Variants in EXT2 observed in about 807,000 individuals in gnomAD.
EXT2 encodes exostosin-2.
Under a neutral mutation model 81.6 loss-of-function variants are expected in EXT2, and 53 were observed. The ratio of observed to expected loss-of-function variants is 0.65; its 90% CI spans 0.52 to 0.82. EXT2 has a LOEUF of 0.82. Among genes scored for constraint, EXT2 ranks in the 40% least tolerant of loss-of-function variants. The pLI, the probability that EXT2 is intolerant of heterozygous loss-of-function variation, is 0.00. For synonymous variants in EXT2, 320 were observed against 340.0 expected, an observed-to-expected ratio of 0.94 and a Z score of 0.65; for missense variants, 774 against 910.2, an observed-to-expected ratio of 0.85 and a Z score of 1.93.
chr11:44,240,197 A>G (rs1288455475), intron 13 of EXT2, among the ~76,000 whole-genome samples: 1 of 152,156 alleles, frequency 6.6e-6, no homozygotes, highest in Non-Finnish European at 1.5e-5. Flanking sequence ...CTGTCCAGAG[A>G]CAGCAGTTGA....
At chr11:44,201,466 T>C (rs1303830844) in intron 9 of EXT2, among the ~76,000 whole-genome samples, 2 of 152,236 alleles carry the variant, frequency 1.3e-5, no homozygotes, top group Admixed American at 6.5e-5. Context: ...ACTGTTGTTA[T>C]TCCCATTTTA....
chr11:44,229,279 A>G (rs1955871339), intron 10 of EXT2, among the ~76,000 whole-genome samples: 1 of 152,228 alleles, frequency 6.6e-6, no homozygotes, highest in African/African-American at 2.4e-5. Context: ...CTGTAATAGT[A>G]TCATATTATT....
At position 44,250,023 on chromosome 11, in the gene EXT2, T is replaced by C. The variant is rs2135294022; in HGVS notation, c.*5736T>C. On this transcript the variant is annotated 3_prime_UTR_variant, in exon 14 of 14. Coordinates refer to ENST00000533608, the MANE Select transcript of EXT2 (RefSeq NM_207122.2). ...AGGTGGAGCTTGCAGTGAGCTGAGA[T>C]TGTGCCACTACACTCCAGCCTGGGC... 6.6e-6 allele frequency among the ~76,000 whole-genome samples: 1 copy of C among 152,262 alleles called. No homozygotes were observed. Among genetic ancestry groups the C allele is most frequent in the African/African-American group, 2.4e-5 (1 of 41,558 alleles).
chr11:44,195,853 T>C (rs1442608971), intron 8 of EXT2, among the ~76,000 whole-genome samples: 1 of 152,236 alleles, frequency 6.6e-6, no homozygotes, highest in Non-Finnish European at 1.5e-5. Context: ...ATGTAATTAA[T>C]GCCACCGAAT....
chr11:44,170,508 C>G (rs182296701), intron 7 of EXT2, among the ~76,000 whole-genome samples: 83 of 151,866 alleles, frequency 5.5e-4, no homozygotes, highest in African/African-American at 2.0e-3. Context: ...TGTGGAAAAT[C>G]AACAAAATCA....
At chr11:44,118,824 G>A (rs1954259866) in intron 4 of EXT2, among the ~76,000 whole-genome samples, 1 of 151,916 alleles carries the variant, frequency 6.6e-6, no homozygotes, top group African/African-American at 2.4e-5. Flanking sequence ...TCTTAATTTG[G>A]CATATTTATG....
intron 1 of EXT2, among the ~76,000 whole-genome samples, chr11:44,103,354 C>A (rs10838233): frequency 6.6e-6 from 1 of 152,186 alleles, no homozygotes. Context: ...ATTATCCCAT[C>A]GGCTTCTACA....
chr11:44,174,764 T>A (rs1565222338), intron 8 of EXT2, among the ~76,000 whole-genome samples: 1 of 152,222 alleles, frequency 6.6e-6, no homozygotes, highest in African/African-American at 2.4e-5. Context: ...CAATGTTAAA[T>A]CATGATTTGA....
intron 6 of EXT2, among the ~76,000 whole-genome samples, chr11:44,128,594 G>A (rs1049528943): frequency 6.6e-6 from 1 of 152,166 alleles, no homozygotes; most frequent in Non-Finnish European, 1.5e-5. Flanking sequence ...GCCAGGAGGA[G>A]GGGGAGACAC....
chr11:44,140,271 T>C (rs1954628034), intron 7 of EXT2, among the ~76,000 whole-genome samples: 1 of 152,198 alleles, frequency 6.6e-6, no homozygotes, highest in Admixed American at 6.5e-5. Flanking sequence ...TGTCTCTGCC[T>C]CCGCAGCATC....
In EXT2 at chr11:44,098,522, G is replaced by A. The variant is rs182085505; in HGVS notation, c.-31+2670G>A. Among the ~76,000 whole-genome samples the A allele has an allele frequency of 9.2e-5, 14 of 151,996 alleles. No individual in the cohort carries two copies. The East Asian group carries it at 2.1e-3, about 23-fold the overall frequency. On this transcript the variant is annotated intron_variant, in intron 1 of 13. Coordinates refer to ENST00000533608, the MANE Select transcript of EXT2 (RefSeq NM_207122.2). ...AGCCTGGCCAACTTGGCAAAACTCC[G>A]TCTCTACTAAAAAATACAAAAAATT...
chr11:44,121,951 C>T (rs116257413), intron 4 of EXT2, among the ~76,000 whole-genome samples: 1,972 of 152,204 alleles, frequency 0.013, 44 homozygotes, highest in African/African-American at 0.045. Context: ...AGGGCTTGAA[C>T]ATTCCACGTG....
rs565092446 is a variant in EXT2 at position 44,178,737 on chromosome 11, C to G, written c.1305+6995C>G. ...TTTCTCTGGAATTTGAAAGCCTACC[C>G]TGCCCCCCAGGAGGCCTTCTTGGCT... On this transcript the variant is annotated intron_variant, in intron 8 of 13. Transcript: ENST00000533608. Among the ~76,000 whole-genome samples, 7 of 152,244 alleles carry G rather than the reference C, an allele frequency of 4.6e-5. No homozygotes were observed. The East Asian group carries it at 1.4e-3, about 29-fold the overall frequency.
chr11:44,147,770 A>C (rs1230758729), intron 7 of EXT2, among the ~76,000 whole-genome samples: 9 of 31,216 alleles, frequency 2.9e-4, no homozygotes, highest in East Asian at 2.4e-3. Flanking sequence ...TGTACTCCAC[A>C]TTGTCTTTTT....
intron 10 of EXT2, among the ~76,000 whole-genome samples, chr11:44,231,198 G>A (rs1477445883): frequency 6.6e-6 from 1 of 152,068 alleles, no homozygotes; most frequent in Non-Finnish European, 1.5e-5. Context: ...GGTGGTTTGG[G>A]CTAGAGGGAA....
intron 7 of EXT2, among the ~76,000 whole-genome samples, chr11:44,142,621 T>A (rs888324768): frequency 6.6e-6 from 1 of 152,250 alleles, no homozygotes; most frequent in African/African-American, 2.4e-5. Flanking sequence ...GATCAGGATT[T>A]AATGATCTTA....
chr11:44,193,772 T>C (rs1200052880), intron 8 of EXT2, among the ~76,000 whole-genome samples: 1 of 152,208 alleles, frequency 6.6e-6, no homozygotes, highest in Non-Finnish European at 1.5e-5. Context: ...CTTATGCTCC[T>C]TTCCATGCTG....
intron 13 of EXT2, among the ~76,000 whole-genome samples, chr11:44,242,814 A>C (rs1956051827): frequency 6.6e-6 from 1 of 152,194 alleles, no homozygotes; most frequent in Non-Finnish European, 1.5e-5. Flanking sequence ...TTGCCTCAGA[A>C]GCCAGAATGC....
chr11:44,131,209 G>C (rs1197355184), intron 7 of EXT2, among the ~76,000 whole-genome samples: 1 of 152,188 alleles, frequency 6.6e-6, no homozygotes, highest in African/African-American at 2.4e-5. Flanking sequence ...TTCTGATGCT[G>C]TTATCTTGTC....
Sources: gnomAD v4.1 joint callset for allele counts (sites outside exome capture counted in the v4.1 genomes callset) on GRCh38, gnomAD v4.1.1 for gene constraint, MANE v1.5 for transcripts, NCBI Gene and HGNC (gene_info 2026-07-23, HGNC 2026-07-21) for gene names.